IFT52: variants seen among roughly 807,000 people sequenced by gnomAD.
IFT52 encodes intraflagellar transport 52.
A neutral mutation model predicts 54.4 loss-of-function variants in IFT52; 44 were observed. The ratio of observed to expected loss-of-function variants is 0.81; its 90% CI spans 0.63 to 1.04. The LOEUF (loss-of-function observed/expected upper bound fraction) is 1.04, where lower values mean the gene tolerates loss of function less well. IFT52 is among the 50% of genes least tolerant of loss of function. The probability of loss-of-function intolerance (pLI) is 0.00; values close to 1 mark genes in which losing one functional copy is unlikely to be tolerated. For missense variants in IFT52, 452 were observed against 523.6 expected (o/e 0.86, Z 1.33); for synonymous variants, 181 against 185.3 (o/e 0.98, Z 0.19).
intron 10 of IFT52, among the ~76,000 whole-genome samples, chr20:43,633,331 G>A (rs1168778875): frequency 3.3e-5 from 5 of 151,196 alleles, no homozygotes; most frequent in Non-Finnish European, 7.4e-5. Context: ...CCACAAGAGC[G>A]AAACTCCGTC....
intron 2 of IFT52, among the ~76,000 whole-genome samples, chr20:43,595,363 A>G (rs61399967): frequency 0.028 from 4,234 of 149,070 alleles, 214 homozygotes; most frequent in African/African-American, 0.091. Context: ...ATCCTGGCCA[A>G]CATGGCGAAA....
chr20:43,622,373 C>T (rs568331127), intron 9 of IFT52, among the ~76,000 whole-genome samples: 18 of 151,850 alleles, frequency 1.2e-4, no homozygotes, highest in African/African-American at 2.9e-4. Context: ...CCGAGGCGGG[C>T]GGATCACGAG....
At chr20:43,623,309 T>C (rs1984480799) in intron 9 of IFT52, among the ~76,000 whole-genome samples, 1 of 152,070 alleles carries the variant, frequency 6.6e-6, no homozygotes, top group South Asian at 2.1e-4. Context: ...CTCAGCCTCC[T>C]AAATAGCTGA....
Position 43,645,418 on chromosome 20 carries a change from G to T in IFT52, c.1267-1518G>T, listed in dbSNP as rs1411151773. ...TAAAAATACAAAAAATTAGCCGGCC[G>T]TGTTGGCGGGTGCCCATAGTCCCAG... is the stretch of plus-strand genomic sequence containing the variant. On this transcript the variant is annotated intron_variant, in intron 13 of 13. Transcript: ENST00000373030. 3.6e-5 allele frequency among the ~76,000 whole-genome samples: 2 copies of T among 55,238 alleles called. 1 individual carries two copies. The highest frequency in any genetic ancestry group is 8.5e-5 in the Non-Finnish European group (2 of 23,434). 36.2% of individuals were successfully genotyped at this position (55,238 alleles called of 152,430 possible). A position where few individuals can be genotyped will look rare whatever the true frequency, so the allele number is the denominator to read the frequency against.
rs1568768399 is a variant in IFT52, at chr20:43,622,770, G to GTAAATATAAATATATACATATTTTTA, written c.769-1120_769-1119insAAATATAAATATATACATATTTTTAT. Among the ~76,000 whole-genome samples, 22 of 127,788 alleles carry GTAAATATAAATATATACATATTTTTA rather than the reference G, an allele frequency of 1.7e-4. 1 individual carries two copies. Among genetic ancestry groups the GTAAATATAAATATATACATATTTTTA allele is most frequent in the African/African-American group, 4.0e-4 (13 of 32,838 alleles). 83.8% of individuals were successfully genotyped at this position (127,788 alleles called of 152,430 possible). ...ATGTAAATATAAATATATACAAATTGTGTGTAAATATAAATATATACATAT... is the reference window on the plus strand; with the variant it reads ...ATGTAAATATAAATATATACAAATTGTAAATATAAATATATACATATTTTTATGTGTAAATATAAATATATACATAT... On this transcript the variant is annotated intron_variant, in intron 9 of 13. Transcript: ENST00000373030.
At chr20:43,594,844 C>G in intron 2 of IFT52, 27 bp downstream of exon 2, 2 of 1,144,620 alleles carry the variant, frequency 1.7e-6, no homozygotes, top group Non-Finnish European at 2.7e-6. Context: ...ATTGTTTTCC[C>G]TTCTAAATGA....
intron 7 of IFT52, among the ~76,000 whole-genome samples, chr20:43,616,340 C>G (rs1046634184): frequency 3.3e-5 from 5 of 151,674 alleles, no homozygotes; most frequent in Non-Finnish European, 7.4e-5. Context: ...AACCTTGTCT[C>G]TACTAAGAAT....
At chr20:43,595,506 G>A (rs903259207) in intron 2 of IFT52, among the ~76,000 whole-genome samples, 2 of 152,014 alleles carry the variant, frequency 1.3e-5, no homozygotes, top group Admixed American at 6.6e-5. Flanking sequence ...CCGAGATTGC[G>A]CCACTGCACT....
intron 7 of IFT52, among the ~76,000 whole-genome samples, chr20:43,615,098 G>C (rs1415559469): frequency 6.6e-6 from 1 of 150,996 alleles, no homozygotes; most frequent in Non-Finnish European, 1.5e-5. Context: ...CATGAGCTCT[G>C]TTGCCCAGGC....
At chr20:43,632,628 G>T (rs542485167) in intron 10 of IFT52, among the ~76,000 whole-genome samples, 1 of 152,090 alleles carries the variant, frequency 6.6e-6, no homozygotes, top group East Asian at 1.9e-4. Flanking sequence ...TGTAAGTTCC[G>T]TGATGGCCTG....
intron 3 of IFT52, among the ~76,000 whole-genome samples, chr20:43,602,502 T>G (rs1000139507): frequency 1.3e-5 from 2 of 152,074 alleles, no homozygotes; most frequent in African/African-American, 2.4e-5. Context: ...TATTTTGTTT[T>G]GTTTTTTTGT....
At chr20:43,599,355 G>T (rs982161562) in intron 3 of IFT52, among the ~76,000 whole-genome samples, 2 of 152,166 alleles carry the variant, frequency 1.3e-5, no homozygotes, top group Non-Finnish European at 2.9e-5. Context: ...GGAGATGGGT[G>T]CCAGGCCAAG....
chr20:43,597,347 G>A lies in IFT52; in HGVS notation c.207+825G>A, dbSNP rs1982056335. 2.1e-5 allele frequency among the ~76,000 whole-genome samples: 3 copies of A among 140,750 alleles called. No homozygotes were observed. In the Admixed American group the frequency reaches 2.2e-4, roughly 10 times the overall value. 92.3% of individuals were successfully genotyped at this position (140,750 alleles called of 152,430 possible). The stretch of plus-strand genomic sequence containing the variant: ...GATCGCGCCATCTCACTCCAGCCTG[G>A]GCAACAAGAGCAAAACTCCATCTCA... On this transcript the variant is annotated intron_variant, in intron 3 of 13. Coordinates refer to ENST00000373030, the MANE Select transcript of IFT52 (RefSeq NM_016004.5).
intron 10 of IFT52, among the ~76,000 whole-genome samples, chr20:43,627,920 GAGTTTTTTTTTTTT>G (rs1189669324): frequency 5.2e-5 from 3 of 58,172 alleles, no homozygotes; most frequent in African/African-American, 1.9e-4. Context: ...GAGAGAGAGA[GAGTTTTTTTTTTTT>G]TTTTTTTTTT....
Position 43,635,943 on chromosome 20 carries a change from A to G in IFT52, c.941A>G (p.Asn314Ser). The G allele has an allele frequency of 6.2e-7, 1 of 1,614,190 alleles. No individual in the cohort carries two copies. Among genetic ancestry groups the G allele is most frequent in the Non-Finnish European group, 8.5e-7 (1 of 1,180,018 alleles). ...GAACACAGGGCTCACGAGCAGCTAAATGTGAAACATGAACCACTCCAGCTC... is the reference window on the plus strand; with the variant it reads ...GAACACAGGGCTCACGAGCAGCTAAGTGTGAAACATGAACCACTCCAGCTC... The part of the protein sequence containing the change: ...HSVIEAHEQL[N>S]VKHEPLQLIQ... The change falls in exon 11 of 14, where the codon AAT (asparagine) becomes AGT (serine). Residue 314 changes from asparagine (N) to serine (S), a missense_variant. Transcript: ENST00000373030.
chr20:43,622,745 ATG>A (rs777353371), intron 9 of IFT52, among the ~76,000 whole-genome samples: 43 of 126,784 alleles, frequency 3.4e-4, no homozygotes, highest in African/African-American at 1.1e-3. Flanking sequence ...ACATATTTTT[ATG>A]TAAATATAAA....
At chr20:43,599,190 T>C (rs1424314503) in intron 3 of IFT52, among the ~76,000 whole-genome samples, 1 of 151,906 alleles carries the variant, frequency 6.6e-6, no homozygotes, top group Non-Finnish European at 1.5e-5. Flanking sequence ...AGAGCAACAC[T>C]CTATTGCTTG....
intron 6 of IFT52, among the ~76,000 whole-genome samples, chr20:43,610,570 AAAAAC>A (rs1303572486): frequency 6.6e-6 from 1 of 151,690 alleles, no homozygotes; most frequent in African/African-American, 2.4e-5. Flanking sequence ...TGTCTCTACT[AAAAAC>A]AAAACAAAAC....
intron 6 of IFT52, among the ~76,000 whole-genome samples, chr20:43,606,794 G>A (rs1982921602): frequency 2.0e-5 from 3 of 152,146 alleles, no homozygotes; most frequent in African/African-American, 4.8e-5. Context: ...GACTCTTAAC[G>A]AGCATGCTGC....
Sources: gnomAD v4.1 joint callset for allele counts (sites outside exome capture counted in the v4.1 genomes callset) on GRCh38, gnomAD v4.1.1 for gene constraint, MANE v1.5 for transcripts, NCBI Gene and HGNC (gene_info 2026-07-23, HGNC 2026-07-21) for gene names.